The following GRID1 variants were observed in gnomAD, a reference collection of about 807,000 sequenced individuals.
GRID1 encodes glutamate receptor ionotropic, delta-1.
In GRID1, 28 loss-of-function variants were observed where a neutral mutation model predicts 98.0. The ratio of observed to expected loss-of-function variants is 0.29; its 90% confidence interval spans 0.21 to 0.39. GRID1 has a LOEUF of 0.39. Among genes scored for constraint, GRID1 ranks in the 10% least tolerant of loss-of-function variants. GRID1 has a pLI of 1.00. For missense variants in GRID1, 1,111 were observed against 1,340.5 expected, an observed-to-expected ratio of 0.83 and a Z score of 2.67; for synonymous variants, 553 against 538.5, an observed-to-expected ratio of 1.03 and a Z score of -0.37.
intron 2 of GRID1, among the ~76,000 whole-genome samples, chr10:86,280,612 T>C (rs1215777094): frequency 6.6e-6 from 1 of 152,212 alleles, no homozygotes. Context: ...TCATTTATTT[T>C]ACAAAAGCTT....
chr10:85,702,927 G>A (rs532165389), intron 12 of GRID1, among the ~76,000 whole-genome samples: 1 of 151,422 alleles, frequency 6.6e-6, no homozygotes, highest in East Asian at 1.9e-4. Context: ...AGAGGAAGAA[G>A]GGGAGCATAA....
intron 12 of GRID1, among the ~76,000 whole-genome samples, chr10:85,676,165 C>G (rs1841142931): frequency 6.6e-6 from 1 of 152,118 alleles, no homozygotes. Flanking sequence ...AGTGTTTCAC[C>G]TCGAATCTTT....
chr10:85,784,895 A>G (rs1408853213), intron 8 of GRID1, among the ~76,000 whole-genome samples: 1 of 152,194 alleles, frequency 6.6e-6, no homozygotes, highest in Non-Finnish European at 1.5e-5. Flanking sequence ...TGAGCACACA[A>G]TTGGACTGCA....
At chr10:85,661,966 G>T (rs909118131) in intron 12 of GRID1, among the ~76,000 whole-genome samples, 4 of 152,302 alleles carry the variant, frequency 2.6e-5, no homozygotes, top group South Asian at 2.1e-4. Flanking sequence ...TGTCTCTCTA[G>T]ACTACTAGGT....
rs562997056 is a variant in GRID1 at position 85,673,979 on chromosome 10, A to G, written c.1998-26582T>C. Among the ~76,000 whole-genome samples the G allele has an allele frequency of 2.0e-5, 3 of 152,216 alleles. No homozygotes were observed. In the East Asian group the frequency reaches 5.8e-4, roughly 29 times the overall value. ...TATTAAGATGATCTGGACTTGAGCA[A>G]ATTCCTCTCAGATCACTCTTCTTAA... On this transcript the variant is annotated intron_variant, in intron 12 of 15. Transcript: ENST00000327946.
At chr10:86,184,461 C>CTTTT (rs1198471392) in intron 3 of GRID1, among the ~76,000 whole-genome samples, 1,522 of 122,944 alleles carry the variant, frequency 0.012, 33 homozygotes, top group Admixed American at 0.035. Flanking sequence ...TTTCTTTTTT[C>CTTTT]TTTTTTTTTT....
chr10:85,607,204 G>T (rs1279511504), intron 15 of GRID1: 4 of 152,204 alleles, frequency 2.6e-5, no homozygotes, highest in African/African-American at 9.7e-5. Context: ...ACAGTGTATT[G>T]GAAAACGGTA....
chr10:85,627,183 G>T (rs1412710712), intron 13 of GRID1, among the ~76,000 whole-genome samples: 1 of 152,176 alleles, frequency 6.6e-6, no homozygotes, highest in African/African-American at 2.4e-5. Context: ...CCTGAGCTAT[G>T]AACCAGCCTG....
At chr10:85,643,784 GT>G (rs1843152878) in intron 13 of GRID1, among the ~76,000 whole-genome samples, 1 of 152,030 alleles carries the variant, frequency 6.6e-6, no homozygotes, top group Non-Finnish European at 1.5e-5. Flanking sequence ...CCAGCTTGGG[GT>G]TCATAAAATG....
intron 12 of GRID1, among the ~76,000 whole-genome samples, chr10:85,692,251 T>C (rs1841341450): frequency 6.6e-6 from 1 of 152,192 alleles, no homozygotes. Flanking sequence ...TTGTTTAGCA[T>C]GGAGAACTAT....
chr10:85,868,440 G>T (rs1256731218), intron 6 of GRID1, among the ~76,000 whole-genome samples: 1 of 152,150 alleles, frequency 6.6e-6, no homozygotes, highest in Non-Finnish European at 1.5e-5. Flanking sequence ...TTGAAGGACT[G>T]ACCAGAAACA....
At chr10:85,692,183 TC>T (rs1387206895) in intron 12 of GRID1, among the ~76,000 whole-genome samples, 1 of 152,156 alleles carries the variant, frequency 6.6e-6, no homozygotes, top group Non-Finnish European at 1.5e-5. Flanking sequence ...AGCTCCACTG[TC>T]CGTTCATTTA....
At chr10:85,937,582 C>A (rs977431773) in intron 4 of GRID1, among the ~76,000 whole-genome samples, 3 of 152,166 alleles carry the variant, frequency 2.0e-5, no homozygotes, top group African/African-American at 7.2e-5. Context: ...TTGAGGGTCT[C>A]CCCTCTTAAA....
At chr10:85,868,273 C>G (rs1843241767) in intron 6 of GRID1, among the ~76,000 whole-genome samples, 1 of 152,188 alleles carries the variant, frequency 6.6e-6, no homozygotes, top group African/African-American at 2.4e-5. Context: ...CATTCCTAAC[C>G]TAGAAGTGGA....
chr10:85,625,157 G>A (rs145137710), intron 13 of GRID1, among the ~76,000 whole-genome samples: 118 of 152,328 alleles, frequency 7.7e-4, no homozygotes, highest in African/African-American at 2.7e-3. Flanking sequence ...TGGGATAAGT[G>A]ATAATTTTCT....
At chr10:86,129,515 G>T (rs1844803405) in intron 4 of GRID1, among the ~76,000 whole-genome samples, 1 of 152,208 alleles carries the variant, frequency 6.6e-6, no homozygotes, top group African/African-American at 2.4e-5. Flanking sequence ...TTCCAGCATT[G>T]TTGAGAAGAT....
intron 4 of GRID1, among the ~76,000 whole-genome samples, chr10:86,094,252 G>A (rs980074331): frequency 3.3e-5 from 5 of 152,176 alleles, no homozygotes; most frequent in African/African-American, 1.2e-4. Flanking sequence ...ACTGAATGGG[G>A]AAAAGTTGAA....
chr10:85,605,651 C>T (rs1436020383), intron 15 of GRID1: 1 of 152,210 alleles, frequency 6.6e-6, no homozygotes, highest in Admixed American at 6.5e-5. Context: ...GGCTGCTCAA[C>T]TCTGGATTCT....
chr10:86,227,223 G>A (rs971216805), intron 2 of GRID1, among the ~76,000 whole-genome samples: 2 of 152,230 alleles, frequency 1.3e-5, no homozygotes, highest in African/African-American at 4.8e-5. Context: ...AGAAAAGGAA[G>A]ACGAAAGACA....
Sources: gnomAD v4.1 joint callset for allele counts (sites outside exome capture counted in the v4.1 genomes callset) on GRCh38, gnomAD v4.1.1 for gene constraint, MANE v1.5 for transcripts, NCBI Gene and HGNC (gene_info 2026-07-23, HGNC 2026-07-21) for gene names.